Variants in DMXL1 observed in about 807,000 individuals in gnomAD.
The protein encoded by DMXL1 is dmX-like protein 1.
A neutral mutation model predicts 319.2 loss-of-function variants in DMXL1; 99 were observed. The observed-to-expected ratio is 0.31, with a 90% CI of 0.26 to 0.37. The LOEUF is 0.37. Ranked by LOEUF, DMXL1 falls within the 10% of genes least tolerant of loss-of-function variation. DMXL1 has a pLI of 1.00. For missense variants in DMXL1, 3,745 were observed against 3,595.6 expected, an observed-to-expected ratio of 1.04 and a Z score of -1.06; for synonymous variants, 1,385 against 1,235.2, an observed-to-expected ratio of 1.12 and a Z score of -2.54.
At chr5:119,218,187 G>A (rs1784021701) in intron 35 of DMXL1, among the ~76,000 whole-genome samples, 1 of 151,926 alleles carries the variant, frequency 6.6e-6, no homozygotes, top group South Asian at 2.1e-4. Context: ...TACCAGCCTG[G>A]GCAACATTGT....
intron 28 of DMXL1, among the ~76,000 whole-genome samples, chr5:119,180,602 G>C (rs533289245): frequency 3.3e-5 from 5 of 151,914 alleles, no homozygotes; most frequent in Non-Finnish European, 7.4e-5. Flanking sequence ...AAAATATTAA[G>C]TATTTTGTTT....
chr5:119,176,730 T>A (rs1775873280), intron 26 of DMXL1, among the ~76,000 whole-genome samples: 1 of 152,100 alleles, frequency 6.6e-6, no homozygotes, highest in Non-Finnish European at 1.5e-5. Context: ...CCATTTTCTG[T>A]CAGAATTATT....
intron 1 of DMXL1, among the ~76,000 whole-genome samples, chr5:119,074,830 T>G (rs913035370): frequency 6.6e-6 from 1 of 152,172 alleles, no homozygotes; most frequent in Non-Finnish European, 1.5e-5. Flanking sequence ...ATTGAAAGAG[T>G]GTTTAAACCT....
In DMXL1 at chr5:119,118,829, A is replaced by G. The variant is rs751059947; in HGVS notation, c.758A>G (p.Asn253Ser). ...TCATTCCTTAGGGCTTCTGTATGTA[A>G]TGTACTGTTGACTTGCTGCAAAGAT... The part of the protein sequence containing the change: ...SKYMPRASVC[N>S]VLLTCCKDNV... The change falls in exon 8 of 44, where the codon AAT (asparagine) becomes AGT (serine). Residue 253 changes from asparagine to serine, a missense_variant. This residue lies in a region of DMXL1 where 2,096 missense variants were observed against 1,985.4 expected (regional missense o/e 1.06). Coordinates refer to ENST00000539542, the MANE Select transcript of DMXL1 (RefSeq NM_001290321.3). 3 of 1,611,722 alleles carry G rather than the reference A, an allele frequency of 1.9e-6. No homozygotes were observed. Among genetic ancestry groups the G allele is most frequent in the Non-Finnish European group, 2.5e-6 (3 of 1,179,328 alleles).
chr5:119,240,235 T>G (rs1461080825), intron 41 of DMXL1, among the ~76,000 whole-genome samples, 184 bp from the exon 42 acceptor site: 1 of 152,210 alleles, frequency 6.6e-6, no homozygotes, highest in African/African-American at 2.4e-5. Context: ...ATTCCACCAC[T>G]GCATTCTTTT....
At chr5:119,217,670 T>A (rs755804260) in intron 35 of DMXL1, among the ~76,000 whole-genome samples, 25 of 152,228 alleles carry the variant, frequency 1.6e-4, no homozygotes, top group Non-Finnish European at 3.4e-4. Flanking sequence ...AAGGAGATAT[T>A]GTATACATAT....
At chr5:119,228,374 C>G (rs999444718) in intron 38 of DMXL1, among the ~76,000 whole-genome samples, 4 of 152,154 alleles carry the variant, frequency 2.6e-5, no homozygotes, top group African/African-American at 9.7e-5. Flanking sequence ...AAGATCAATT[C>G]ATTATCATAA....
At chr5:119,125,435 A>G (rs1763306874) in intron 9 of DMXL1, among the ~76,000 whole-genome samples, 4 of 152,204 alleles carry the variant, frequency 2.6e-5, no homozygotes, top group African/African-American at 4.8e-5. Flanking sequence ...GCTATATTCT[A>G]TTTTAGCAGG....
rs1045360707 is a variant in DMXL1, at chr5:119,148,772, G to A, written c.2945G>A (p.Cys982Tyr). The A allele has an allele frequency of 6.2e-7, 1 of 1,613,406 alleles. No homozygotes were observed. Among genetic ancestry groups the A allele is most frequent in the Admixed American group, 1.7e-5 (1 of 59,936 alleles). Residue 982 changes from cysteine (C) to tyrosine (Y), a missense_variant, in exon 18 of 44, where the codon TGC becomes TAC. By Grantham distance (194) the Cys-to-Tyr change is radical. Around this residue, in one of 4 missense-constraint regions of DMXL1, gnomAD observed 2,096 missense variants for 1,985.4 expected, o/e 1.06. Coordinates refer to ENST00000539542, the MANE Select transcript of DMXL1 (RefSeq NM_001290321.3). ...HLSSSSIYPA[C>Y]SAPYLLATSC... ...AGTTCATCTTCTATATATCCTGCATGCAGTGCTCCTTATTTATTGGCAACT... is the reference window on the plus strand; with the variant it reads ...AGTTCATCTTCTATATATCCTGCATACAGTGCTCCTTATTTATTGGCAACT...
intron 19 of DMXL1, among the ~76,000 whole-genome samples, chr5:119,153,559 T>G (rs1770311801): frequency 6.6e-6 from 1 of 152,264 alleles, no homozygotes; most frequent in Non-Finnish European, 1.5e-5. Context: ...TTTTACCCTT[T>G]GACCAATGTC....
At position 119,147,131 on chromosome 5, in the gene DMXL1, A is replaced by G. The variant is rs576437361; in HGVS notation, c.2690-118A>G. 23 of 1,116,192 alleles carry G rather than the reference A, an allele frequency of 2.1e-5. No individual in the cohort carries two copies. In the East Asian group the frequency reaches 5.6e-4, roughly 27 times the overall value. The allele number at this position is 1,116,192 out of a possible 1,614,324, so 69.1% of individuals were successfully genotyped here. A position where few individuals can be genotyped will look rare whatever the true frequency, so the allele number is the denominator to read the frequency against. ...TTATTTTCTTTCTGTGAAGAATCAT[A>G]TTAATATGTTTACTATTTTATCTTT... On this transcript the variant is annotated intron_variant, in intron 16 of 43. Coordinates refer to ENST00000539542, the MANE Select transcript of DMXL1 (RefSeq NM_001290321.3).
chr5:119,089,291 T>TATATGC (rs1754112542), intron 1 of DMXL1, among the ~76,000 whole-genome samples: 1 of 45,490 alleles, frequency 2.2e-5, no homozygotes, highest in African/African-American at 7.4e-5. Context: ...TATATATATA[T>TATATGC]ATTTTTTTTT....
intron 32 of DMXL1, among the ~76,000 whole-genome samples, chr5:119,201,683 C>T (rs187839192): frequency 6.0e-4 from 92 of 152,154 alleles, no homozygotes; most frequent in African/African-American, 2.1e-3. Flanking sequence ...AATTTGGCTG[C>T]GAATCCATCT....
intron 13 of DMXL1, among the ~76,000 whole-genome samples, chr5:119,138,214 T>C (rs901836320): frequency 6.6e-6 from 1 of 152,082 alleles, no homozygotes; most frequent in African/African-American, 2.4e-5. Context: ...GTTTAGAACA[T>C]TGAATAGCTA....
At chr5:119,210,215 T>G (rs1782504607) in intron 34 of DMXL1, among the ~76,000 whole-genome samples, 1 of 152,198 alleles carries the variant, frequency 6.6e-6, no homozygotes, top group African/African-American at 2.4e-5. Context: ...CCTCCTAAAG[T>G]GCTGGGATTA....
chr5:119,127,280 ACT>A (rs1763806886), intron 9 of DMXL1: 1 of 221,052 alleles, frequency 4.5e-6, no homozygotes, highest in Non-Finnish European at 9.5e-6. Flanking sequence ...CCTTCCTCTG[ACT>A]CTCTTGCCAT....
Position 119,133,306 on chromosome 5 carries a change from A to G in DMXL1, c.1490A>G (p.His497Arg). 1 of 1,614,124 alleles carries G rather than the reference A, an allele frequency of 6.2e-7. No homozygotes were observed. Among genetic ancestry groups the G allele is most frequent in the Non-Finnish European group, 8.5e-7 (1 of 1,180,014 alleles). ...SKNADMLFSI[H>R]PMDGSLLVWH... Reference sequence around the variant, plus strand: ...AATGCAGATATGCTATTTAGTATTCATCCCATGGATGGTTCTTTGCTAGTT... The same window carrying G: ...AATGCAGATATGCTATTTAGTATTCGTCCCATGGATGGTTCTTTGCTAGTT... The change falls in exon 11 of 44, where the codon CAT becomes CGT. Residue 497 changes from histidine (H) to arginine (R), a missense_variant. His to Arg is a conservative substitution (Grantham distance 29). Transcript: ENST00000539542.
chr5:119,106,438 A>G (rs1362126635), intron 4 of DMXL1, among the ~76,000 whole-genome samples: 1 of 152,166 alleles, frequency 6.6e-6, no homozygotes, highest in African/African-American at 2.4e-5. Flanking sequence ...CCATTCTACG[A>G]AAGTGAGGGA....
intron 41 of DMXL1, among the ~76,000 whole-genome samples, 162 bp downstream of exon 41, chr5:119,239,242 C>A (rs575917698): frequency 2.0e-5 from 3 of 152,256 alleles, no homozygotes; most frequent in Admixed American, 2.0e-4. Context: ...GCCCCACCCC[C>A]AAAAGCTGTG....
Sources: gnomAD v4.1 joint callset for allele counts (sites outside exome capture counted in the v4.1 genomes callset) on GRCh38, gnomAD v4.1.1 for gene constraint, gnomAD v4.1.1 regional missense constraint, MANE v1.5 for transcripts, NCBI Gene and HGNC (gene_info 2026-07-23, HGNC 2026-07-21) for gene names.